CNTNAP4: variants seen among roughly 807,000 people sequenced by gnomAD.
CNTNAP4 encodes the protein contactin associated protein family member 4, also known as contactin-associated protein-like 4.
In CNTNAP4, 98 loss-of-function variants were observed where a neutral mutation model predicts 148.4. That is an observed-to-expected ratio of 0.66 (90% confidence interval 0.56 to 0.78). The LOEUF is 0.78. CNTNAP4 is among the 30% of genes least tolerant of loss of function. The pLI, the probability that CNTNAP4 is intolerant of heterozygous loss-of-function variation, is 0.00. For synonymous variants in CNTNAP4, 730 were observed against 565.1 expected (o/e 1.29, Z -4.14); for missense variants, 1,935 against 1,565.6 (o/e 1.24, Z -3.98).
chr16:76,324,845 G>T (rs528852804), intron 2 of CNTNAP4, among the ~76,000 whole-genome samples: 1 of 152,078 alleles, frequency 6.6e-6, no homozygotes, highest in South Asian at 2.1e-4. Flanking sequence ...ATCATGAGTG[G>T]CCCACCCTCG....
At chr16:76,500,953 C>T (rs915839828) in intron 15 of CNTNAP4, among the ~76,000 whole-genome samples, 3 of 151,944 alleles carry the variant, frequency 2.0e-5, no homozygotes, top group Non-Finnish European at 4.4e-5. Context: ...TAACACCACG[C>T]CTTAAAATAA....
chr16:76,483,346 G>C (rs1173284318), intron 12 of CNTNAP4, among the ~76,000 whole-genome samples: 1 of 151,308 alleles, frequency 6.6e-6, no homozygotes, highest in Non-Finnish European at 1.5e-5. Context: ...GGAAAACACT[G>C]AACAAATTAC....
chr16:76,435,936 C>A (rs1410717988), intron 4 of CNTNAP4, among the ~76,000 whole-genome samples: 1 of 152,054 alleles, frequency 6.6e-6, no homozygotes, highest in African/African-American at 2.4e-5. Flanking sequence ...ATATCCATTC[C>A]CATCCCTGTT....
intron 1 of CNTNAP4, chr16:76,310,048 C>G (rs1205629906): frequency 1.7e-6 from 1 of 593,322 alleles, no homozygotes; most frequent in Non-Finnish European, 3.0e-6. Flanking sequence ...AGAAGTCTGG[C>G]TTCCTGGACT....
intron 12 of CNTNAP4, among the ~76,000 whole-genome samples, chr16:76,480,768 A>C (rs941905414): frequency 3.3e-5 from 5 of 152,144 alleles, no homozygotes; most frequent in African/African-American, 1.2e-4. Flanking sequence ...CGTTGATTAG[A>C]AGACTCAATA....
chr16:76,548,238 T>G (rs1025348453), intron 21 of CNTNAP4, among the ~76,000 whole-genome samples: 3 of 150,538 alleles, frequency 2.0e-5, no homozygotes, highest in Non-Finnish European at 4.4e-5. Flanking sequence ...TGGAATTGCA[T>G]AAAATAGTAA....
chr16:76,365,064 A>G (rs147331055), intron 3 of CNTNAP4, among the ~76,000 whole-genome samples: 2,322 of 152,226 alleles, frequency 0.015, 54 homozygotes, highest in African/African-American at 0.053. Flanking sequence ...AGGTGTGAGG[A>G]AGGGATTCAG....
chr16:76,377,948 C>A (rs1239415502), intron 3 of CNTNAP4, among the ~76,000 whole-genome samples: 1 of 152,176 alleles, frequency 6.6e-6, no homozygotes, highest in Non-Finnish European at 1.5e-5. Context: ...CATTGTCCCA[C>A]ATTTCATTTT....
chr16:76,482,756 C>T (rs1041056440), intron 12 of CNTNAP4, among the ~76,000 whole-genome samples: 2 of 152,192 alleles, frequency 1.3e-5, no homozygotes, highest in African/African-American at 4.8e-5. Context: ...CCCGCCTGTG[C>T]AGTACAAATG....
chr16:76,414,793 G>A (rs2078918538), intron 3 of CNTNAP4, among the ~76,000 whole-genome samples: 1 of 151,196 alleles, frequency 6.6e-6, no homozygotes, highest in Non-Finnish European at 1.5e-5. Flanking sequence ...TAAAATTAGT[G>A]GCATAATTCG....
chr16:76,353,295 A>G (rs2012097784), intron 2 of CNTNAP4, among the ~76,000 whole-genome samples: 1 of 152,250 alleles, frequency 6.6e-6, no homozygotes, highest in Admixed American at 6.5e-5. Context: ...ACCTGAATGC[A>G]AGCAGTCATT....
Position 76,311,063 on chromosome 16 carries a change from A to G in CNTNAP4, c.86-5350A>G, listed in dbSNP as rs190794565. On this transcript the variant is annotated intron_variant, in intron 1 of 23. Coordinates refer to ENST00000611870, the MANE Select transcript of CNTNAP4 (RefSeq NM_033401.5). ...TCAGTTGAGTTAATGCATGTAAAGCACTGAGAACGTAGCACCTAATAATAT... is the reference window on the plus strand; with the variant it reads ...TCAGTTGAGTTAATGCATGTAAAGCGCTGAGAACGTAGCACCTAATAATAT... 2.6e-5 allele frequency among the ~76,000 whole-genome samples: 4 copies of G among 152,324 alleles called. No homozygotes were observed. In the East Asian group the frequency reaches 7.7e-4, roughly 29 times the overall value.
chr16:76,334,678 G>T (rs1439468359), intron 2 of CNTNAP4, among the ~76,000 whole-genome samples: 1 of 151,830 alleles, frequency 6.6e-6, no homozygotes, highest in Admixed American at 6.6e-5. Context: ...GTTATCCTTT[G>T]GGAAAAAGTA....
At chr16:76,429,349 C>G (rs917929693) in intron 4 of CNTNAP4, among the ~76,000 whole-genome samples, 2 of 152,172 alleles carry the variant, frequency 1.3e-5, no homozygotes, top group East Asian at 1.9e-4. Flanking sequence ...CAGTTATATT[C>G]TCCACTTATT....
intron 2 of CNTNAP4, among the ~76,000 whole-genome samples, chr16:76,345,474 G>T (rs1964825761): frequency 6.6e-6 from 1 of 152,222 alleles, no homozygotes. Context: ...GAGGTCAAGA[G>T]TATTGGGAGA....
At chr16:76,293,631 G>C (rs1425376095) in intron 1 of CNTNAP4, among the ~76,000 whole-genome samples, 1 of 152,060 alleles carries the variant, frequency 6.6e-6, no homozygotes, top group African/African-American at 2.4e-5. Context: ...TTGAGTGACT[G>C]CACTTAAGGG....
At chr16:76,475,565 T>C (rs960389082) in intron 10 of CNTNAP4, among the ~76,000 whole-genome samples, 2 of 152,236 alleles carry the variant, frequency 1.3e-5, no homozygotes, top group African/African-American at 4.8e-5. Flanking sequence ...TTTCTTCTTT[T>C]ATCTGTATTC....
intron 1 of CNTNAP4, among the ~76,000 whole-genome samples, chr16:76,307,503 C>CATATATATAT (rs6145898): frequency 0.011 from 999 of 91,520 alleles, 62 homozygotes; most frequent in Non-Finnish European, 0.013. Context: ...ATTTTAAATG[C>CATATATATAT]ATATATATAT....
At position 76,526,638 on chromosome 16, in the gene CNTNAP4, T is replaced by A. The variant is rs79699695; in HGVS notation, c.2755+4381T>A. ...TTGGGGATGAAATGCTTCTTTGTAG[T>A]TCTTTGGTTTTCTCACATTATTTGC... On this transcript the variant is annotated intron_variant, in intron 17 of 23. Coordinates refer to ENST00000611870, the MANE Select transcript of CNTNAP4 (RefSeq NM_033401.5). Among the ~76,000 whole-genome samples the A allele has an allele frequency of 1.3e-3, 198 of 152,222 alleles. 3 individuals are homozygous for A. In the East Asian group the frequency reaches 0.035, roughly 27 times the overall value.
Sources: gnomAD v4.1 joint callset for allele counts (sites outside exome capture counted in the v4.1 genomes callset) on GRCh38, gnomAD v4.1.1 for gene constraint, MANE v1.5 for transcripts, NCBI Gene and HGNC (gene_info 2026-07-23, HGNC 2026-07-21) for gene names.